The following PHACTR1 variants were observed in gnomAD, a reference collection of about 807,000 sequenced individuals.
PHACTR1 encodes the protein phosphatase and actin regulator 1, also known as RPEL repeat containing 1.
PHACTR1 carries 16 observed loss-of-function variants against 69.2 expected under a neutral mutation model. The observed-to-expected ratio is 0.23, with a 90% CI of 0.16 to 0.35. The LOEUF is 0.35. PHACTR1 is among the 10% of genes least tolerant of loss of function. PHACTR1 has a pLI of 1.00. For missense variants in PHACTR1, 510 were observed against 734.7 expected (o/e 0.69, Z 3.54); for synonymous variants, 312 against 284.5 (o/e 1.10, Z -0.97).
At chr6:13,147,001 C>G (rs778965544) in intron 5 of PHACTR1, among the ~76,000 whole-genome samples, 8 of 152,232 alleles carry the variant, frequency 5.3e-5, no homozygotes, top group Non-Finnish European at 1.0e-4. Flanking sequence ...TCAACACTTT[C>G]ATCACATGAC....
chr6:12,791,801 C>G (rs1166694407), intron 4 of PHACTR1, among the ~76,000 whole-genome samples: 1 of 152,148 alleles, frequency 6.6e-6, no homozygotes, highest in African/African-American at 2.4e-5. Flanking sequence ...CCTCTGCATC[C>G]AGATCTTGTT....
intron 4 of PHACTR1, among the ~76,000 whole-genome samples, chr6:12,920,682 G>A (rs1023746818): frequency 3.3e-5 from 5 of 152,236 alleles, no homozygotes; most frequent in African/African-American, 1.2e-4. Flanking sequence ...TAAAAGTACT[G>A]TCATTATCAA....
At chr6:13,159,692 AGCCCTTTGGGAG>A (rs1211717715) in intron 5 of PHACTR1, among the ~76,000 whole-genome samples, 1 of 152,238 alleles carries the variant, frequency 6.6e-6, no homozygotes, top group Non-Finnish European at 1.5e-5. Context: ...CTGTAATCCC[AGCCCTTTGGGAG>A]GCCAAGGCAA....
intron 4 of PHACTR1, among the ~76,000 whole-genome samples, chr6:12,908,153 C>T (rs879752536): frequency 6.6e-6 from 1 of 152,114 alleles, no homozygotes; most frequent in Non-Finnish European, 1.5e-5. Flanking sequence ...GCCTTCCATC[C>T]ATCAACCAAG....
intron 10 of PHACTR1, among the ~76,000 whole-genome samples, chr6:13,254,172 G>A (rs1463703259): frequency 6.6e-6 from 1 of 152,036 alleles, no homozygotes; most frequent in Non-Finnish European, 1.5e-5. Context: ...AGGTTGCAGT[G>A]AGCTAAGATT....
At chr6:12,853,684 G>A (rs1160414269) in intron 4 of PHACTR1, among the ~76,000 whole-genome samples, 1 of 152,230 alleles carries the variant, frequency 6.6e-6, no homozygotes, top group Non-Finnish European at 1.5e-5. Context: ...GAGGAAGAAT[G>A]AGTACCCGGT....
At chr6:12,890,448 A>G (rs1324215964) in intron 4 of PHACTR1, among the ~76,000 whole-genome samples, 1 of 152,004 alleles carries the variant, frequency 6.6e-6, no homozygotes, top group Non-Finnish European at 1.5e-5. Flanking sequence ...CTTCCACTTC[A>G]CTCAGAGAAA....
chr6:13,239,712 C>G (rs1044101916), intron 10 of PHACTR1, among the ~76,000 whole-genome samples: 1 of 152,224 alleles, frequency 6.6e-6, no homozygotes, highest in African/African-American at 2.4e-5. Context: ...TGCATGGCCT[C>G]TTGCCCTCTT....
intron 4 of PHACTR1, among the ~76,000 whole-genome samples, chr6:13,010,544 A>G (rs1799334001): frequency 6.6e-6 from 1 of 152,180 alleles, no homozygotes; most frequent in East Asian, 1.9e-4. Context: ...TGAAACCTCA[A>G]TATGCATCCA....
intron 5 of PHACTR1, among the ~76,000 whole-genome samples, chr6:13,064,269 C>T (rs4715077): frequency 0.81 from 122,158 of 151,462 alleles, 49,417 homozygotes; most frequent in East Asian, 0.93. Flanking sequence ...GGAGACAGAA[C>T]GAGCAAGACT....
chr6:12,945,566 A>T (rs950804504), intron 4 of PHACTR1, among the ~76,000 whole-genome samples: 3 of 152,184 alleles, frequency 2.0e-5, no homozygotes, highest in African/African-American at 7.2e-5. Flanking sequence ...ATTAAATGCT[A>T]ATTCTTACGG....
intron 4 of PHACTR1, among the ~76,000 whole-genome samples, chr6:13,034,310 C>T (rs1802954711): frequency 6.6e-6 from 1 of 152,230 alleles, no homozygotes; most frequent in Non-Finnish European, 1.5e-5. Flanking sequence ...AGCCACCACG[C>T]CCGGCCAGGA....
chr6:12,835,773 G>A (rs1238482616), intron 4 of PHACTR1, among the ~76,000 whole-genome samples: 1 of 152,100 alleles, frequency 6.6e-6, no homozygotes, highest in Admixed American at 6.5e-5. Context: ...AAGGAAAGAG[G>A]ATCAGAAAAG....
intron 4 of PHACTR1, among the ~76,000 whole-genome samples, chr6:12,964,217 T>A (rs1480636486): frequency 1.3e-5 from 2 of 152,150 alleles, no homozygotes; most frequent in East Asian, 3.8e-4. Context: ...AGTTCCGCAG[T>A]ATATGAGAAA....
intron 4 of PHACTR1, among the ~76,000 whole-genome samples, chr6:12,779,607 A>G (rs999947422): frequency 6.6e-6 from 1 of 152,152 alleles, no homozygotes; most frequent in Non-Finnish European, 1.5e-5. Context: ...TTTCATGGCA[A>G]TCTTCCCATT....
At chr6:13,171,189 G>A (rs1005907745) in intron 6 of PHACTR1, among the ~76,000 whole-genome samples, 26 of 113,254 alleles carry the variant, frequency 2.3e-4, no homozygotes, top group African/African-American at 6.2e-4. Context: ...CCCCACTTCC[G>A]CCCAAGTAGA....
intron 5 of PHACTR1, among the ~76,000 whole-genome samples, chr6:13,088,955 A>G (rs764309098): frequency 2.6e-5 from 4 of 152,172 alleles, no homozygotes; most frequent in Non-Finnish European, 4.4e-5. Flanking sequence ...TTAGAAATGG[A>G]TTATACAAAA....
intron 4 of PHACTR1, among the ~76,000 whole-genome samples, chr6:12,928,571 C>T (rs1025568613): frequency 6.6e-6 from 1 of 152,194 alleles, no homozygotes; most frequent in African/African-American, 2.4e-5. Context: ...GTGCAACTTA[C>T]TTGAAAATTG....
chr6:12,860,243 G>A (rs1780809522), intron 4 of PHACTR1, among the ~76,000 whole-genome samples: 1 of 152,036 alleles, frequency 6.6e-6, no homozygotes, highest in Admixed American at 6.5e-5. Context: ...GAACATTTAT[G>A]TGGTGTTTCG....
Sources: gnomAD v4.1 joint callset for allele counts (sites outside exome capture counted in the v4.1 genomes callset) on GRCh38, gnomAD v4.1.1 for gene constraint, MANE v1.5 for transcripts, NCBI Gene and HGNC (gene_info 2026-07-23, HGNC 2026-07-21) for gene names.